The following TNFAIP3 variants were observed in gnomAD, a reference collection of about 807,000 sequenced individuals.
TNFAIP3 encodes tumor necrosis factor alpha-induced protein 3.
TNFAIP3 carries 9 observed loss-of-function variants against 72.4 expected under a neutral mutation model. That is an observed-to-expected ratio of 0.12 (90% CI 0.07 to 0.22). TNFAIP3 has a LOEUF of 0.22. Among genes scored for constraint, TNFAIP3 ranks in the 10% least tolerant of loss-of-function variants. The pLI, the probability that TNFAIP3 is intolerant of heterozygous loss-of-function variation, is 1.00. For missense variants in TNFAIP3, 833 were observed against 1,018.7 expected (o/e 0.82, Z 2.48); for synonymous variants, 339 against 372.6 (o/e 0.91, Z 1.04).
intron 1 of TNFAIP3, among the ~76,000 whole-genome samples, chr6:137,870,325 G>C (rs1287114585): frequency 6.6e-6 from 1 of 152,152 alleles, no homozygotes; most frequent in African/African-American, 2.4e-5. Flanking sequence ...GTCTCACCGT[G>C]TTGCCCAGGC....
At position 137,871,352 on chromosome 6, in the gene TNFAIP3, C is replaced by G. The variant is rs370854824; in HGVS notation, c.125C>G (p.Thr42Ser). 1.5e-5 allele frequency: 24 copies of G among 1,614,012 alleles called. No individual in the cohort carries two copies. In the African/African-American group the frequency reaches 3.1e-4, roughly 21 times the overall value. The change falls in exon 2 of 9, where the codon ACC becomes AGC. Residue 42 changes from threonine (T) to serine (S), a missense_variant. By Grantham distance (58) the Thr-to-Ser change is moderately conservative. This residue lies in a region of TNFAIP3 where 246 missense variants were observed against 360.9 expected (regional missense o/e 0.68). Coordinates refer to ENST00000612899, the MANE Select transcript of TNFAIP3 (RefSeq NM_001270508.2). The surrounding 1 kb of genome is among the most constrained non-coding windows in gnomAD (Gnocchi z 4.2). ...AATGGGATCATTCATCATTTTAAAA[C>G]CATGCACCGATACACACTGGAAATG... ...PTNGIIHHFK[T>S]MHRYTLEMFR...
intron 5 of TNFAIP3, among the ~76,000 whole-genome samples, 173 bp from the exon 6 acceptor site, chr6:137,876,903 T>C (rs1400638103): frequency 6.6e-6 from 1 of 152,200 alleles, no homozygotes; most frequent in Non-Finnish European, 1.5e-5. Flanking sequence ...AAACAGTGCA[T>C]TTTTATATTA....
At position 137,878,280 on chromosome 6, in the gene TNFAIP3, G is replaced by T. The variant is rs610604; in HGVS notation, c.987-152G>T. The T allele has an allele frequency of 0.66, 432,471 of 658,668 alleles. 146,409 individuals carry two copies. Among genetic ancestry groups the T allele is most frequent in the East Asian group, 0.92 (33,568 of 36,580 alleles). The allele number at this position is 658,668 out of a possible 1,614,324, so 40.8% of individuals were successfully genotyped here. ...TCAGATCATGTTGCGTGAAAAGTGT[G>T]AGCTCTTCATCACAGGCCTGCATTT... On this transcript the variant is annotated intron_variant, in intron 6 of 8. Coordinates refer to ENST00000612899, the MANE Select transcript of TNFAIP3 (RefSeq NM_001270508.2).
chr6:137,874,897 G>A lies in TNFAIP3; in HGVS notation c.348G>A (p.Gln116=). 1 of 1,614,192 alleles carries A rather than the reference G, an allele frequency of 6.2e-7. No homozygotes were observed. Among genetic ancestry groups the A allele is most frequent in the South Asian group, 1.1e-5 (1 of 91,084 alleles). ...CTTCTCAGTACATGTGGGGCGTTCA[G>A]GACACAGACTTGGTACTGAGGAAGG... ...HATSQYMWGV[Q]DTDLVLRKAL... Residue 116 remains glutamine, a synonymous_variant, in exon 3 of 9, where the codon CAG becomes CAA. Coordinates refer to ENST00000612899, the MANE Select transcript of TNFAIP3 (RefSeq NM_001270508.2).
At position 137,880,104 on chromosome 6, in the gene TNFAIP3, C is replaced by T; in HGVS notation, c.1940C>T (p.Thr647Ile). Residue 647 changes from threonine to isoleucine, a missense_variant, in exon 8 of 9, where the codon ACA (threonine) becomes ATA (isoleucine). Transcript: ENST00000612899. ...GCTGCCTCAGGGAAAGTCAGTCCCA[C>T]AGCGTCCAGGTTCCAGAACACCATT... is the stretch of plus-strand genomic sequence containing the variant. ...FAAASGKVSP[T>I]ASRFQNTIPC... 1 of 1,614,176 alleles carries T rather than the reference C, an allele frequency of 6.2e-7. No homozygotes were observed. The highest frequency in any genetic ancestry group is 8.5e-7 in the Non-Finnish European group (1 of 1,180,030).
rs1776491990 is a variant in TNFAIP3, at chr6:137,882,369, A to G, written c.*1050A>G. 4.3e-6 allele frequency: 1 copy of G among 232,210 alleles called. No individual in the cohort carries two copies. The highest frequency in any genetic ancestry group is 8.5e-6 in the Non-Finnish European group (1 of 117,438). The allele number at this position is 232,210 out of a possible 1,614,324, so 14.4% of individuals were successfully genotyped here. ...TGAAGATATTTCTTCAGCTCTGGGG[A>G]AAATGCCACAGTGTTCTCCTGAGAG... is the stretch of plus-strand genomic sequence containing the variant. On this transcript the variant is annotated 3_prime_UTR_variant, in exon 9 of 9. Coordinates refer to ENST00000612899, the MANE Select transcript of TNFAIP3 (RefSeq NM_001270508.2).
At position 137,877,275 on chromosome 6, in the gene TNFAIP3, G is replaced by T. The variant is rs1027047442; in HGVS notation, c.986+19G>T. 1 of 1,593,622 alleles carries T rather than the reference G, an allele frequency of 6.3e-7. No homozygotes were observed. The highest frequency in any genetic ancestry group is 1.3e-5 in the African/African-American group (1 of 74,126). On this transcript the variant is annotated intron_variant, in intron 6 of 8. Coordinates refer to ENST00000612899, the MANE Select transcript of TNFAIP3 (RefSeq NM_001270508.2). ...CCGCAAAGTAAGCAGTTTATGTTCA[G>T]CTCTCTCCTGTGTCATCTGTAACTG...
rs776043863 is a variant in TNFAIP3 at position 137,875,883 on chromosome 6, T to C, written c.634+48T>C. 2.0e-5 allele frequency: 32 copies of C among 1,610,542 alleles called. 1 individual carries two copies. In the South Asian group the frequency reaches 2.6e-4, roughly 13 times the overall value. On this transcript the variant is annotated intron_variant, in intron 4 of 8. Transcript: ENST00000612899. Reference sequence around the variant, plus strand: ...ATCTGTACTTAAATGCTTTCAGCCTTATGCCTTGGCTCCTGGAGAAAACCA... The same window carrying C: ...ATCTGTACTTAAATGCTTTCAGCCTCATGCCTTGGCTCCTGGAGAAAACCA...
At chr6:137,880,943 C>T in intron 8 of TNFAIP3, 92 bp from the exon 9 acceptor site, 3 of 1,396,162 alleles carry the variant, frequency 2.1e-6, no homozygotes, top group Non-Finnish European at 2.9e-6. Context: ...GTAGACTCCA[C>T]ACTCTCCAAT....
upstream of TNFAIP3, chr6:137,867,229 A>G (rs1353521101): frequency 6.6e-6 from 1 of 152,060 alleles, no homozygotes; most frequent in Non-Finnish European, 1.5e-5. The surrounding 1 kb of genome is among the most constrained non-coding windows in gnomAD (Gnocchi z 6.0). Flanking sequence ...TACAACCCGC[A>G]TACAACTGAA....
chr6:137,871,204 C>A lies in TNFAIP3; in HGVS notation c.-15-9C>A. ...TAGAATGGCTTTTTTTTTTTCCTTT[C>A]CTTTTCAGGTGTTGGAGAGCACAAT... is the stretch of plus-strand genomic sequence containing the variant. On this transcript the variant is annotated splice_polypyrimidine_tract_variant and intron_variant, in intron 1 of 8. Transcript: ENST00000612899. This position sits in a 1 kb window ranked among gnomAD's most constrained non-coding sequence, Gnocchi z 4.2. 25 of 1,556,778 alleles carry A rather than the reference C, an allele frequency of 1.6e-5. No homozygotes were observed. The highest frequency in any genetic ancestry group is 2.1e-5 in the Non-Finnish European group (24 of 1,156,152).
chr6:137,869,621 A>G (rs1038822438), intron 1 of TNFAIP3, among the ~76,000 whole-genome samples: 2 of 152,138 alleles, frequency 1.3e-5, no homozygotes, highest in East Asian at 3.8e-4. Context: ...AGGAGAAACC[A>G]TGGGTCATCT....
At chr6:137,869,635 C>T (rs1470563816) in intron 1 of TNFAIP3, among the ~76,000 whole-genome samples, 1 of 152,128 alleles carries the variant, frequency 6.6e-6, no homozygotes, top group African/African-American at 2.4e-5. Context: ...GTCATCTAGT[C>T]CAACCTCTCT....
At chr6:137,876,404 C>G (rs989094557) in intron 5 of TNFAIP3, 5 of 418,780 alleles carry the variant, frequency 1.2e-5, no homozygotes, top group Non-Finnish European at 2.1e-5. Flanking sequence ...GCACAGTGCT[C>G]TTAATACAGT....
intron 3 of TNFAIP3, 30 bp downstream of exon 3, chr6:137,875,065 C>G: frequency 3.7e-6 from 6 of 1,612,528 alleles, no homozygotes; most frequent in Non-Finnish European, 4.2e-6. Context: ...TATCTACTAA[C>G]AGAGCTCCAT....
chr6:137,873,293 G>A (rs1776124709), intron 2 of TNFAIP3, among the ~76,000 whole-genome samples: 1 of 152,140 alleles, frequency 6.6e-6, no homozygotes, highest in Admixed American at 6.5e-5. Context: ...TTGGGGAGGG[G>A]GTGATTCACA....
chr6:137,872,363 A>G (rs1342458111), intron 2 of TNFAIP3, among the ~76,000 whole-genome samples: 1 of 152,228 alleles, frequency 6.6e-6, no homozygotes, highest in African/African-American at 2.4e-5. Flanking sequence ...AGTTGACTGT[A>G]CAAGCTCAAT....
chr6:137,879,161 G>A lies in TNFAIP3; in HGVS notation c.1716G>A (p.Arg572=). 6.2e-7 allele frequency: 1 copy of A among 1,614,026 alleles called. No homozygotes were observed. The highest frequency in any genetic ancestry group is 8.5e-7 in the Non-Finnish European group (1 of 1,180,012). ...RSKSDPSRLV[R]SPSPHSCHRA... ...AGTCAGATCCCTCGCGGCTCGTCCG[G>A]AGCCCCTCCCCGCATTCTTGCCACA... is the stretch of plus-strand genomic sequence containing the variant. The change falls in exon 7 of 9, where the codon CGG becomes CGA. Residue 572 remains arginine (R), a synonymous_variant. Coordinates refer to ENST00000612899, the MANE Select transcript of TNFAIP3 (RefSeq NM_001270508.2).
chr6:137,869,215 G>A (rs1775952229), intron 1 of TNFAIP3, among the ~76,000 whole-genome samples: 1 of 152,174 alleles, frequency 6.6e-6, no homozygotes, highest in Non-Finnish European at 1.5e-5. Context: ...TAAGGTGGTA[G>A]TGTAATTTCA....
Sources: allele counts gnomAD v4.1 joint callset (sites outside exome capture counted in the v4.1 genomes callset), GRCh38; gene constraint gnomAD v4.1.1; regional missense constraint gnomAD v4.1.1; non-coding constraint Gnocchi (gnomAD v3.1); transcripts MANE v1.5; gene names NCBI Gene and HGNC (gene_info 2026-07-23, HGNC 2026-07-21).